Variants in DPP10 observed in about 807,000 individuals in gnomAD.
DPP10 encodes the protein dipeptidyl peptidase like 10.
DPP10 carries 33 observed loss-of-function variants against 120.9 expected under a neutral mutation model. The ratio of observed to expected loss-of-function variants is 0.27; its 90% confidence interval spans 0.21 to 0.37. The LOEUF is 0.37. Among genes scored for constraint, DPP10 ranks in the 10% least tolerant of loss-of-function variants. DPP10 has a pLI of 1.00. For synonymous variants in DPP10, 337 were observed against 326.1 expected (o/e 1.03, Z -0.36); for missense variants, 816 against 942.8 (o/e 0.87, Z 1.76).
chr2:115,381,245 C>G (rs1159956120), intron 3 of DPP10, among the ~76,000 whole-genome samples: 1 of 152,058 alleles, frequency 6.6e-6, no homozygotes, highest in Non-Finnish European at 1.5e-5. Context: ...GGAGGCTTTG[C>G]TCGTATCTTT....
intron 1 of DPP10, chr2:114,833,784 A>G (rs1036980015): frequency 2.0e-5 from 3 of 152,178 alleles, no homozygotes; most frequent in Non-Finnish European, 4.4e-5. Context: ...CTGGCACGTG[A>G]TAAGAATACA....
At chr2:114,946,493 A>C (rs1277574821) in intron 1 of DPP10, among the ~76,000 whole-genome samples, 2 of 152,154 alleles carry the variant, frequency 1.3e-5, no homozygotes, top group Non-Finnish European at 2.9e-5. Flanking sequence ...TCCACAATTA[A>C]AACTAAAAAT....
intron 1 of DPP10, among the ~76,000 whole-genome samples, chr2:114,757,708 G>T (rs1679911814): frequency 6.6e-6 from 1 of 152,116 alleles, no homozygotes; most frequent in South Asian, 2.1e-4. Flanking sequence ...CTTGGGATTT[G>T]TTAGAAATGC....
intron 1 of DPP10, among the ~76,000 whole-genome samples, chr2:114,726,271 T>C (rs951696958): frequency 2.4e-4 from 36 of 151,030 alleles, no homozygotes; most frequent in Non-Finnish European, 4.3e-4. Context: ...CATAATTCAG[T>C]TGGGAAGAGC....
chr2:114,661,574 TTAGACA>T (rs746298167), intron 1 of DPP10, among the ~76,000 whole-genome samples: 19 of 152,338 alleles, frequency 1.2e-4, no homozygotes, highest in Non-Finnish European at 2.6e-4. Flanking sequence ...TTTCTCCATC[TTAGACA>T]TCTTTGCACA....
chr2:115,790,696 A>T (rs1439802592), intron 17 of DPP10, among the ~76,000 whole-genome samples: 19 of 152,174 alleles, frequency 1.2e-4, no homozygotes, highest in Non-Finnish European at 2.6e-4. Flanking sequence ...CTTATTAAAT[A>T]CCTGAACTAC....
intron 1 of DPP10, among the ~76,000 whole-genome samples, chr2:114,497,353 GTACATATACATACACATGTACATA>G (rs1351903743): frequency 1.0e-4 from 7 of 70,000 alleles, no homozygotes; most frequent in Non-Finnish European, 2.3e-4. Flanking sequence ...ACATACACAT[GTACATATACATACACATGTACATA>G]TACATATACA....
intron 1 of DPP10, among the ~76,000 whole-genome samples, chr2:114,799,527 A>G (rs958433924): frequency 6.6e-6 from 1 of 152,182 alleles, no homozygotes; most frequent in African/African-American, 2.4e-5. Flanking sequence ...TCAAGTTTCA[A>G]TTGTGTTTAA....
chr2:114,455,095 A>C (rs185391799), intron 1 of DPP10, among the ~76,000 whole-genome samples: 1 of 152,004 alleles, frequency 6.6e-6, no homozygotes, highest in African/African-American at 2.4e-5. Flanking sequence ...CCAGAAGACG[A>C]TATCACTATG....
chr2:114,594,733 G>A (rs1222870729), intron 1 of DPP10, among the ~76,000 whole-genome samples: 2 of 152,018 alleles, frequency 1.3e-5, no homozygotes, highest in East Asian at 3.9e-4. Context: ...GGATACAGAG[G>A]AGTGAATTAT....
At chr2:114,540,421 A>T (rs1188508250) in intron 1 of DPP10, among the ~76,000 whole-genome samples, 1 of 152,226 alleles carries the variant, frequency 6.6e-6, no homozygotes, top group African/African-American at 2.4e-5. Flanking sequence ...TATAATTAAA[A>T]AGGTTGGGTA....
intron 1 of DPP10, among the ~76,000 whole-genome samples, chr2:114,688,338 G>A (rs1699505760): frequency 6.6e-6 from 1 of 151,858 alleles, no homozygotes; most frequent in Non-Finnish European, 1.5e-5. Flanking sequence ...TAAAAGTAGA[G>A]TAATAATTCT....
At chr2:115,591,225 C>A (rs936769578) in intron 5 of DPP10, among the ~76,000 whole-genome samples, 6 of 152,106 alleles carry the variant, frequency 3.9e-5, no homozygotes, top group African/African-American at 1.4e-4. Context: ...TCATGAAGTC[C>A]TTGCCTATGC....
At chr2:114,671,038 A>G (rs1490884297) in intron 1 of DPP10, among the ~76,000 whole-genome samples, 5 of 152,202 alleles carry the variant, frequency 3.3e-5, no homozygotes, top group Admixed American at 3.3e-4. Flanking sequence ...TTCACTGGAA[A>G]TTACAAGAAT....
intron 1 of DPP10, among the ~76,000 whole-genome samples, chr2:115,130,142 C>T (rs905347223): frequency 6.6e-6 from 1 of 152,182 alleles, no homozygotes; most frequent in Non-Finnish European, 1.5e-5. Flanking sequence ...GTCTGCCTCC[C>T]CTATAGTTAG....
chr2:114,477,892 C>CAT (rs753080264), intron 1 of DPP10, among the ~76,000 whole-genome samples: 3 of 114,004 alleles, frequency 2.6e-5, no homozygotes, highest in South Asian at 2.6e-4. Context: ...TATATATGTA[C>CAT]ATATGTGTAT....
intron 1 of DPP10, among the ~76,000 whole-genome samples, chr2:114,846,143 C>T (rs904672918): frequency 1.3e-5 from 2 of 151,826 alleles, no homozygotes; most frequent in East Asian, 1.9e-4. Context: ...AATGTACCTC[C>T]GATTGTATAT....
rs1165849048 is a variant in DPP10, at chr2:115,836,719, A to T, written c.2155A>T (p.Ile719Leu). 1.2e-6 allele frequency: 2 copies of T among 1,613,350 alleles called. No individual in the cohort carries two copies. Among genetic ancestry groups the T allele is most frequent in the Middle Eastern group, 1.7e-4 (1 of 6,026 alleles). Residue 719 changes from isoleucine (I) to leucine (L), a missense_variant, in exon 24 of 26, where the codon ATA becomes TTA. Physicochemically the swap from Ile to Leu is conservative, Grantham distance 5. This residue lies in a region of DPP10 where 592 missense variants were observed against 649.0 expected (regional missense o/e 0.91). Coordinates refer to ENST00000410059, the MANE Select transcript of DPP10 (RefSeq NM_020868.6). The part of the protein sequence containing the change: ...HNVHGLKEEN[I>L]LIIHGTADTK... ...TGTTCATGGCTTGAAAGAAGAAAAT[A>T]TATTAATAATTCATGGAACTGCTGA...
intron 1 of DPP10, among the ~76,000 whole-genome samples, chr2:114,855,758 A>C (rs1689319259): frequency 6.6e-6 from 1 of 152,206 alleles, no homozygotes; most frequent in South Asian, 2.1e-4. Context: ...AAATCCCATA[A>C]AGCTAAGCAA....
Sources: allele counts gnomAD v4.1 joint callset (sites outside exome capture counted in the v4.1 genomes callset), GRCh38; gene constraint gnomAD v4.1.1; regional missense constraint gnomAD v4.1.1; transcripts MANE v1.5; gene names NCBI Gene and HGNC (gene_info 2026-07-23, HGNC 2026-07-21).